HEATR5B: variants seen among roughly 807,000 people sequenced by gnomAD.
HEATR5B encodes the protein HEAT repeat containing 5B, also known as HEAT repeat-containing protein 5B.
A neutral mutation model predicts 224.1 loss-of-function variants in HEATR5B; 156 were observed. The ratio of observed to expected loss-of-function variants is 0.70; its 90% CI spans 0.61 to 0.80. The LOEUF is 0.80. Among genes scored for constraint, HEATR5B ranks in the 30% least tolerant of loss-of-function variants. The pLI is 0.00. For missense variants in HEATR5B, 2,323 were observed against 2,535.5 expected (o/e 0.92, Z 1.80); for synonymous variants, 1,027 against 893.0 (o/e 1.15, Z -2.68).
In HEATR5B at chr2:36,988,810, T is replaced by G. The variant is rs200769161; in HGVS notation, c.5747A>C (p.Asn1916Thr). The change falls in exon 35 of 36, where the codon AAT becomes ACT. Residue 1916 changes from asparagine (N) to threonine (T), a missense_variant. Around this residue, in one of 12 missense-constraint regions of HEATR5B, gnomAD observed 844 missense variants for 812.9 expected, o/e 1.04. Coordinates refer to ENST00000233099, the MANE Select transcript of HEATR5B (RefSeq NM_019024.3). ...AATATAAGGAGTTGAAAGGGCACGA[T>G]TGGAATGCTGGAAGACTGAGAGGAG... Reference protein sequence around the residue: ...QLLLSVFQHSNRALSTPYIHS... With the variant: ...QLLLSVFQHSTRALSTPYIHS... The G allele has an allele frequency of 8.1e-6, 13 of 1,613,960 alleles. No homozygotes were observed. Among genetic ancestry groups the G allele is most frequent in the Non-Finnish European group, 1.0e-5 (12 of 1,180,010 alleles).
At chr2:37,080,218 G>C (rs1403278534) in intron 2 of HEATR5B, among the ~76,000 whole-genome samples, 1 of 152,150 alleles carries the variant, frequency 6.6e-6, no homozygotes, top group Non-Finnish European at 1.5e-5. Flanking sequence ...GTAATCTCTT[G>C]CACCCCACTA....
At position 37,043,592 on chromosome 2, in the gene HEATR5B, G is replaced by T. The variant is rs1298716287; in HGVS notation, c.2697-2300C>A. On this transcript the variant is annotated intron_variant, in intron 18 of 35. Transcript: ENST00000233099. ...TGATTTGGCTTCTTATGACTTTTTT[G>T]TTGTTGTTGTTTCCTAATCCTTAAA... 4.2e-5 allele frequency among the ~76,000 whole-genome samples: 6 copies of T among 142,410 alleles called. No individual in the cohort carries two copies. The East Asian group carries it at 5.9e-4, about 14-fold the overall frequency. The allele number at this position is 142,410 out of a possible 152,430, so 93.4% of individuals were successfully genotyped here.
chr2:37,075,730 T>C (rs1314513178), intron 4 of HEATR5B, 96 bp from the exon 5 acceptor site: 3 of 730,800 alleles, frequency 4.1e-6, no homozygotes, highest in Non-Finnish European at 6.4e-6. Flanking sequence ...CTAATGGTCT[T>C]ACCTCCAAAT....
intron 22 of HEATR5B, 96 bp from the exon 23 acceptor site, chr2:37,029,016 C>A: frequency 2.5e-6 from 3 of 1,210,998 alleles, no homozygotes; most frequent in Non-Finnish European, 3.5e-6. Flanking sequence ...TATAAATTCA[C>A]AACAGCCACA....
At chr2:37,015,799 G>A (rs1262952522) in intron 26 of HEATR5B, among the ~76,000 whole-genome samples, 1 of 152,158 alleles carries the variant, frequency 6.6e-6, no homozygotes, top group Non-Finnish European at 1.5e-5. Flanking sequence ...TGGATTTCAG[G>A]AGCAAGTTCA....
At chr2:37,006,395 T>C (rs2110998) in intron 29 of HEATR5B, among the ~76,000 whole-genome samples, 93,640 of 152,168 alleles carry the variant, frequency 0.62, 29,767 homozygotes, top group African/African-American at 0.78. Context: ...ACCTGTAATC[T>C]CAGCACCCAG....
At chr2:36,987,420 C>CA (rs369088419) in intron 35 of HEATR5B, among the ~76,000 whole-genome samples, 5,341 of 112,898 alleles carry the variant, frequency 0.047, 124 homozygotes, top group African/African-American at 0.064. Context: ...GACTTTGTTT[C>CA]AAAAAAAAAA....
At chr2:36,996,963 TC>T in intron 33 of HEATR5B, among the ~76,000 whole-genome samples, 1 of 124,468 alleles carries the variant, frequency 8.0e-6, no homozygotes, top group African/African-American at 3.0e-5. Flanking sequence ...CCTCAAGTGA[TC>T]AACCCACCTT....
At position 36,984,215 on chromosome 2, in the gene HEATR5B, A is replaced by AAAT; in HGVS notation, c.5912-2422_5912-2421insATT. ...AACTCTGTCTCAAAAAAAAAAAAAA[A>AAAT]ATATATATATATATATATATATAAA... On this transcript the variant is annotated intron_variant, in intron 35 of 35. Transcript: ENST00000233099. 3.9e-4 allele frequency among the ~76,000 whole-genome samples: 30 copies of AAAT among 77,646 alleles called. 2 individuals are homozygous for AAAT. The highest frequency in any genetic ancestry group is 6.4e-4 in the African/African-American group (11 of 17,056). The allele number at this position is 77,646 out of a possible 152,430, so 50.9% of individuals were successfully genotyped here. A position where few individuals can be genotyped will look rare whatever the true frequency, so the allele number is the denominator to read the frequency against.
At chr2:36,996,452 T>C (rs1257556214) in intron 33 of HEATR5B, among the ~76,000 whole-genome samples, 1 of 150,532 alleles carries the variant, frequency 6.6e-6, no homozygotes, top group Non-Finnish European at 1.5e-5. Flanking sequence ...TGAAATGGAA[T>C]CTCGCCCAAG....
chr2:37,001,799 G>T (rs547051248), intron 32 of HEATR5B, among the ~76,000 whole-genome samples: 1 of 138,132 alleles, frequency 7.2e-6, no homozygotes, highest in South Asian at 2.7e-4. Flanking sequence ...GAGTAGCTGG[G>T]ATTACAGGGC....
At chr2:37,013,235 G>A (rs1390316892) in intron 27 of HEATR5B, among the ~76,000 whole-genome samples, 2 of 152,214 alleles carry the variant, frequency 1.3e-5, no homozygotes, top group Non-Finnish European at 2.9e-5. Context: ...ATACTGAGCT[G>A]GTAGAGGAAG....
At chr2:37,007,010 G>A in intron 29 of HEATR5B, 40 bp downstream of exon 29, 1 of 1,583,030 alleles carries the variant, frequency 6.3e-7, no homozygotes, top group Non-Finnish European at 8.7e-7. Flanking sequence ...TGAATTTTCA[G>A]AAGTGATAAT....
chr2:37,007,341 T>C (rs761527293), intron 28 of HEATR5B, 37 bp from the exon 29 acceptor site: 306 of 920,448 alleles, frequency 3.3e-4, no homozygotes, highest in Admixed American at 2.6e-3. Flanking sequence ...ACATTACTTT[T>C]TTTTTTTTTT....
rs756913478 is a variant in HEATR5B at position 37,077,064 on chromosome 2, T to C, written c.339-45A>G. 4 of 1,400,004 alleles carry C rather than the reference T, an allele frequency of 2.9e-6. No homozygotes were observed. The East Asian group carries it at 6.9e-5, about 24-fold the overall frequency. 86.7% of individuals were successfully genotyped at this position (1,400,004 alleles called of 1,614,324 possible). A position where few individuals can be genotyped will look rare whatever the true frequency, so the allele number is the denominator to read the frequency against. On this transcript the variant is annotated intron_variant, in intron 3 of 35. Transcript: ENST00000233099. ...CACTAGTCATTGTCCAGGTTAATGA[T>C]ACAATTATACTTTTCTCATTTTTAG...
At chr2:36,984,267 T>C (rs1238925141) in intron 35 of HEATR5B, among the ~76,000 whole-genome samples, 3 of 142,778 alleles carry the variant, frequency 2.1e-5, no homozygotes, top group African/African-American at 7.8e-5. Flanking sequence ...GTTATTTAAG[T>C]ATTCATCAAA....
chr2:37,010,519 G>GTT (rs1399212259), intron 27 of HEATR5B, among the ~76,000 whole-genome samples: 1 of 119,976 alleles, frequency 8.3e-6, no homozygotes, highest in Non-Finnish European at 1.8e-5. Context: ...TTATTACACT[G>GTT]TTTTTTTTTT....
intron 5 of HEATR5B, among the ~76,000 whole-genome samples, chr2:37,074,263 C>T (rs1467379831): frequency 1.4e-5 from 2 of 145,396 alleles, no homozygotes; most frequent in Non-Finnish European, 3.0e-5. Context: ...GCGGAGTTTG[C>T]AGTGAGTAGA....
intron 17 of HEATR5B, among the ~76,000 whole-genome samples, chr2:37,051,740 T>G (rs1023808790): frequency 6.6e-6 from 1 of 151,154 alleles, no homozygotes; most frequent in Non-Finnish European, 1.5e-5. Context: ...TTCTTCTTCT[T>G]TTTTTTTTCT....
Sources: allele counts gnomAD v4.1 joint callset (sites outside exome capture counted in the v4.1 genomes callset), GRCh38; gene constraint gnomAD v4.1.1; regional missense constraint gnomAD v4.1.1; transcripts MANE v1.5; gene names NCBI Gene and HGNC (gene_info 2026-07-23, HGNC 2026-07-21).